Variants in HACD3 observed in about 807,000 individuals in gnomAD.
HACD3 encodes the protein 3-hydroxyacyl-CoA dehydratase 3.
Under a neutral mutation model 55.2 loss-of-function variants are expected in HACD3, and 30 were observed. The ratio of observed to expected loss-of-function variants is 0.54; its 90% CI spans 0.41 to 0.74. HACD3 has a LOEUF of 0.74. Among genes scored for constraint, HACD3 ranks in the 30% least tolerant of loss-of-function variants. The probability of loss-of-function intolerance (pLI) is 0.00; values close to 1 mark genes in which losing one functional copy is unlikely to be tolerated. For synonymous variants in HACD3, 141 were observed against 151.7 expected (o/e 0.93, Z 0.52); for missense variants, 363 against 440.1 (o/e 0.82, Z 1.57).
intron 1 of HACD3, among the ~76,000 whole-genome samples, chr15:65,544,523 A>G (rs2072054458): frequency 6.6e-6 from 1 of 152,212 alleles, no homozygotes; most frequent in South Asian, 2.1e-4. Context: ...AAAAGTGTAC[A>G]AGGGATCTCT....
At chr15:65,546,171 A>G (rs1335509791) in intron 1 of HACD3, among the ~76,000 whole-genome samples, 1 of 152,252 alleles carries the variant, frequency 6.6e-6, no homozygotes, top group African/African-American at 2.4e-5. Context: ...GAATAGAACT[A>G]TATAGCTGAG....
At chr15:65,550,622 A>G (rs1159592863) in intron 1 of HACD3, among the ~76,000 whole-genome samples, 1 of 152,220 alleles carries the variant, frequency 6.6e-6, no homozygotes, top group Non-Finnish European at 1.5e-5. Context: ...CTGTTGCTAC[A>G]TAACAAATCA....
Position 65,577,072 on chromosome 15 carries a change from A to G in HACD3, c.*693A>G, listed in dbSNP as rs2072409867. The G allele has an allele frequency of 6.6e-6, 1 of 152,192 alleles. No individual in the cohort carries two copies. Among genetic ancestry groups the G allele is most frequent in the African/African-American group, 2.4e-5 (1 of 41,436 alleles). The allele number at this position is 152,192 out of a possible 1,614,324, so 9.4% of individuals were successfully genotyped here. Reference sequence around the variant, plus strand: ...TCATGATCATGCCATTCTTAAGTAAATCAACTATTTTCAACACTGAAGAAA... The same window carrying G: ...TCATGATCATGCCATTCTTAAGTAAGTCAACTATTTTCAACACTGAAGAAA... On this transcript the variant is annotated 3_prime_UTR_variant, in exon 11 of 11. Coordinates refer to ENST00000261875, the MANE Select transcript of HACD3 (RefSeq NM_016395.4).
chr15:65,561,577 A>G (rs912210190), intron 5 of HACD3, among the ~76,000 whole-genome samples: 49 of 152,164 alleles, frequency 3.2e-4, no homozygotes, highest in African/African-American at 1.2e-3. Context: ...TGGAAAAAAT[A>G]CAACACTACA....
Position 65,530,690 on chromosome 15 carries a change from A to G in HACD3, c.59A>G (p.Tyr20Cys). 6.3e-7 allele frequency: 1 copy of G among 1,576,098 alleles called. No individual in the cohort carries two copies. The highest frequency in any genetic ancestry group is 8.6e-7 in the Non-Finnish European group (1 of 1,162,122). ...VYWAQRHREL[Y>C]LRVELSDVQN... ...TGGGCTCAGCGACACCGCGAGCTAT[A>G]TCTGCGCGTGGAGCTGAGTGACGTA... The change falls in exon 1 of 11, where the codon TAT becomes TGT. Residue 20 changes from tyrosine (Y) to cysteine (C), a missense_variant. Coordinates refer to ENST00000261875, the MANE Select transcript of HACD3 (RefSeq NM_016395.4).
At chr15:65,536,946 G>A (rs1386024184) in intron 1 of HACD3, among the ~76,000 whole-genome samples, 3 of 152,182 alleles carry the variant, frequency 2.0e-5, no homozygotes, top group African/African-American at 7.2e-5. Context: ...ATTTTTGAAG[G>A]AAATTAAAAG....
chr15:65,561,596 C>T (rs754986293), intron 5 of HACD3, among the ~76,000 whole-genome samples: 6 of 152,162 alleles, frequency 3.9e-5, no homozygotes, highest in Non-Finnish European at 7.4e-5. Context: ...CAACACTCAA[C>T]TGCTTTTTCC....
chr15:65,544,752 T>G (rs1480611473), intron 1 of HACD3, among the ~76,000 whole-genome samples: 1 of 152,148 alleles, frequency 6.6e-6, no homozygotes, highest in Non-Finnish European at 1.5e-5. Context: ...CCGGGTGCGG[T>G]GGCTCACGCC....
At chr15:65,530,843 G>A in intron 1 of HACD3, 125 bp downstream of exon 1, 3 of 931,910 alleles carry the variant, frequency 3.2e-6, no homozygotes, top group Middle Eastern at 3.4e-4. Flanking sequence ...GGTCGGCGAC[G>A]CGGTGCGCTT....
At chr15:65,539,238 G>C (rs1215444803) in intron 1 of HACD3, among the ~76,000 whole-genome samples, 1 of 53,502 alleles carries the variant, frequency 1.9e-5, no homozygotes, top group Non-Finnish European at 3.7e-5. Context: ...TTTTTTTTTT[G>C]AGATGGAGTC....
At chr15:65,539,740 G>A (rs1352893482) in intron 1 of HACD3, among the ~76,000 whole-genome samples, 2 of 151,936 alleles carry the variant, frequency 1.3e-5, no homozygotes, top group African/African-American at 4.8e-5. Context: ...GATAAATTGT[G>A]GTATATTTAT....
chr15:65,567,479 T>C (rs1366192563), intron 7 of HACD3, among the ~76,000 whole-genome samples: 3 of 152,194 alleles, frequency 2.0e-5, no homozygotes, highest in Non-Finnish European at 2.9e-5. Flanking sequence ...GACTCAATAT[T>C]ATAATATTGT....
intron 3 of HACD3, among the ~76,000 whole-genome samples, chr15:65,556,255 G>T (rs1279624628): frequency 1.3e-5 from 2 of 152,188 alleles, no homozygotes; most frequent in Non-Finnish European, 2.9e-5. Flanking sequence ...ATCAGTGAGA[G>T]CCCTGAGCTT....
intron 4 of HACD3, 65 bp downstream of exon 4, chr15:65,556,968 C>A: frequency 6.9e-7 from 1 of 1,448,948 alleles, no homozygotes; most frequent in Non-Finnish European, 9.4e-7. Context: ...TTATTCAGGC[C>A]ACTTCAGATA....
At chr15:65,531,319 C>T (rs1478054030) in intron 1 of HACD3, 1 of 152,226 alleles carries the variant, frequency 6.6e-6, no homozygotes, top group East Asian at 1.9e-4. Context: ...AAGTGATTTC[C>T]CCCTCTGTTC....
intron 1 of HACD3, chr15:65,551,172 A>C (rs1316961344): frequency 6.5e-6 from 1 of 153,214 alleles, no homozygotes; most frequent in East Asian, 1.9e-4. Context: ...GCTTTTCCCC[A>C]CCACTCTATT....
intron 1 of HACD3, among the ~76,000 whole-genome samples, chr15:65,542,247 GAA>G (rs1290119447): frequency 8.6e-6 from 1 of 116,912 alleles, no homozygotes; most frequent in Non-Finnish European, 1.7e-5. Context: ...AAAAAAAAAA[GAA>G]AAGAAAAGAA....
At chr15:65,549,744 C>T (rs2072114416) in intron 1 of HACD3, among the ~76,000 whole-genome samples, 1 of 152,168 alleles carries the variant, frequency 6.6e-6, no homozygotes, top group Admixed American at 6.5e-5. Context: ...ATTCCATCTG[C>T]CTGTCTCCAG....
intron 7 of HACD3, among the ~76,000 whole-genome samples, chr15:65,569,824 G>A (rs74021131): frequency 5.3e-4 from 81 of 152,260 alleles, no homozygotes; most frequent in African/African-American, 1.9e-3. Flanking sequence ...TGTTTATTTG[G>A]CAGTATTCTT....
Sources: allele counts gnomAD v4.1 joint callset (sites outside exome capture counted in the v4.1 genomes callset), GRCh38; gene constraint gnomAD v4.1.1; transcripts MANE v1.5; gene names NCBI Gene and HGNC (gene_info 2026-07-23, HGNC 2026-07-21).